The following CFAP221 variants were observed in gnomAD, a reference collection of about 807,000 sequenced individuals.
The protein encoded by CFAP221 is cilia- and flagella-associated protein 221.
A neutral mutation model predicts 113.1 loss-of-function variants in CFAP221; 97 were observed. The observed-to-expected ratio is 0.86, with a 90% CI of 0.73 to 1.02. The LOEUF is 1.02. Ranked by LOEUF, CFAP221 falls within the 50% of genes least tolerant of loss-of-function variation. The probability of loss-of-function intolerance (pLI) is 0.00; values close to 1 mark genes in which losing one functional copy is unlikely to be tolerated. For missense variants in CFAP221, 1,025 were observed against 1,013.4 expected (o/e 1.01, Z -0.16); for synonymous variants, 331 against 354.4 (o/e 0.93, Z 0.74).
At chr2:119,563,213 G>A (rs754448742) in intron 6 of CFAP221, among the ~76,000 whole-genome samples, 1 of 152,140 alleles carries the variant, frequency 6.6e-6, no homozygotes. Context: ...ATTCTCCTGT[G>A]TACTTCAAAT....
intron 21 of CFAP221, among the ~76,000 whole-genome samples, chr2:119,641,677 G>A (rs978423559): frequency 2.0e-5 from 3 of 152,220 alleles, no homozygotes; most frequent in African/African-American, 7.2e-5. Flanking sequence ...CATGCCTGGT[G>A]CATGCTTAGT....
In CFAP221 at chr2:119,647,053, ATTT is replaced by A. The variant is rs11349518; in HGVS notation, c.2318+15_2318+17del. On this transcript the variant is annotated splice_donor_5th_base_variant and intron_variant, in intron 22 of 23. Transcript: ENST00000413369. The stretch of plus-strand genomic sequence containing the variant: ...GACAGACTAGAAACAGTAGAACGGT[ATTT>A]TTTTTTTTTTTAATCTTTGGCCTCT... The A allele has an allele frequency of 8.4e-4, 1,088 of 1,289,328 alleles. No homozygotes were observed. Among genetic ancestry groups the A allele is most frequent in the African/African-American group, 2.0e-3 (136 of 66,474 alleles). 79.9% of individuals were successfully genotyped at this position (1,289,328 alleles called of 1,614,324 possible). A position where few individuals can be genotyped will look rare whatever the true frequency, so the allele number is the denominator to read the frequency against.
intron 6 of CFAP221, chr2:119,572,402 A>G (rs796275942): frequency 2.0e-6 from 1 of 510,678 alleles, no homozygotes; most frequent in African/African-American, 1.9e-5. Flanking sequence ...TATCTTAAAG[A>G]GTATTATAGA....
intron 4 of CFAP221, 28 bp downstream of exon 4, chr2:119,559,803 C>T (rs1298063276): frequency 6.7e-7 from 1 of 1,499,600 alleles, no homozygotes; most frequent in Non-Finnish European, 9.0e-7. Context: ...ACCTGTTCTC[C>T]CACGGTGTGG....
intron 22 of CFAP221, among the ~76,000 whole-genome samples, chr2:119,649,432 A>G (rs1216867779): frequency 6.6e-6 from 1 of 152,200 alleles, no homozygotes; most frequent in Admixed American, 6.5e-5. Context: ...CATATTTATC[A>G]ACATATTTTT....
intron 23 of CFAP221, 70 bp from the exon 24 acceptor site, chr2:119,656,292 T>C: frequency 3.2e-6 from 4 of 1,250,216 alleles, no homozygotes; most frequent in Non-Finnish European, 4.7e-6. Flanking sequence ...CCAGCACTGC[T>C]GGCGGGGGGT....
chr2:119,629,083 T>C (rs1686577416), intron 16 of CFAP221, among the ~76,000 whole-genome samples: 1 of 152,250 alleles, frequency 6.6e-6, no homozygotes. Context: ...TCATCAATTG[T>C]AAGATGCCTT....
At position 119,650,721 on chromosome 2, in the gene CFAP221, T is replaced by G. The variant is rs72834865; in HGVS notation, c.2319-1253T>G. 5.6e-3 allele frequency among the ~76,000 whole-genome samples: 858 copies of G among 152,302 alleles called. 11 individuals are homozygous for G. The highest frequency in any genetic ancestry group is 9.5e-3 in the Admixed American group (145 of 15,294). ...ATGCCCACCTTTGAGACAAAGAAAC[T>G]GCTAATGGGAAGATAATGTTTGCAA... On this transcript the variant is annotated intron_variant, in intron 22 of 23. Transcript: ENST00000413369.
At chr2:119,617,747 G>A (rs552017018) in intron 14 of CFAP221, among the ~76,000 whole-genome samples, 79 of 152,334 alleles carry the variant, frequency 5.2e-4, no homozygotes, top group Non-Finnish European at 7.9e-4. Flanking sequence ...CCAGAGTTGT[G>A]TTTGCAAAAC....
intron 6 of CFAP221, chr2:119,572,484 T>G: frequency 1.5e-6 from 1 of 665,242 alleles, no homozygotes; most frequent in Non-Finnish European, 2.8e-6. Flanking sequence ...AAATTTTATA[T>G]TTTTCCATTC....
Position 119,546,101 on chromosome 2 carries a change from C to A in CFAP221, c.-31C>A. On this transcript the variant is annotated 5_prime_UTR_variant, in exon 2 of 24. Transcript: ENST00000413369. The stretch of plus-strand genomic sequence containing the variant: ...CCTCCCCAGGACATGACCTTTGGCT[C>A]TAAAAAGAAGACTCCATTTTTCATG... The A allele has an allele frequency of 6.6e-7, 1 of 1,516,344 alleles. No individual in the cohort carries two copies. The highest frequency in any genetic ancestry group is 1.3e-5 in the South Asian group (1 of 79,568). The allele number at this position is 1,516,344 out of a possible 1,614,324, so 93.9% of individuals were successfully genotyped here. A position where few individuals can be genotyped will look rare whatever the true frequency, so the allele number is the denominator to read the frequency against.
At position 119,638,451 on chromosome 2, in the gene CFAP221, C is replaced by A. The variant is rs1305797786; in HGVS notation, c.2133+34C>A. On this transcript the variant is annotated intron_variant, in intron 20 of 23. Transcript: ENST00000413369. ...ATCACCAGGCTCACTGGCAGAGTGACCCTGGGCTGCAGGGAGGGGCAGGGG... is the reference window on the plus strand; with the variant it reads ...ATCACCAGGCTCACTGGCAGAGTGAACCTGGGCTGCAGGGAGGGGCAGGGG... 5 of 1,612,278 alleles carry A rather than the reference C, an allele frequency of 3.1e-6. No homozygotes were observed. The South Asian group carries it at 3.3e-5, about 11-fold the overall frequency.
Position 119,545,973 on chromosome 2 carries a change from G to A in CFAP221, c.-47-112G>A, listed in dbSNP as rs186862156. 8 of 722,254 alleles carry A rather than the reference G, an allele frequency of 1.1e-5. No individual in the cohort carries two copies. In the East Asian group the frequency reaches 2.3e-4, roughly 20 times the overall value. 44.7% of individuals were successfully genotyped at this position (722,254 alleles called of 1,614,324 possible). On this transcript the variant is annotated intron_variant, in intron 1 of 23. Transcript: ENST00000413369. Reference sequence around the variant, plus strand: ...GTGGCCCGCAGAGAGGAGAGCCAGGGAGGGCATGAACCACAGTAAACCACA... The same window carrying A: ...GTGGCCCGCAGAGAGGAGAGCCAGGAAGGGCATGAACCACAGTAAACCACA...
At chr2:119,604,499 T>C (rs1053296475) in intron 8 of CFAP221, among the ~76,000 whole-genome samples, 173 bp from the exon 9 acceptor site, 1 of 152,134 alleles carries the variant, frequency 6.6e-6, no homozygotes, top group African/African-American at 2.4e-5. Context: ...GATTATACTC[T>C]AATGCACTGA....
intron 6 of CFAP221, among the ~76,000 whole-genome samples, chr2:119,569,378 A>C (rs1681881342): frequency 1.3e-5 from 2 of 151,860 alleles, no homozygotes. Context: ...TCGACCTCCC[A>C]AAGTGCTGGG....
At chr2:119,630,163 ATATACC>A (rs1661265622) in intron 17 of CFAP221, among the ~76,000 whole-genome samples, 1 of 152,226 alleles carries the variant, frequency 6.6e-6, no homozygotes, top group African/African-American at 2.4e-5. Flanking sequence ...TACTCTGTGG[ATATACC>A]TATATCATGC....
intron 2 of CFAP221, among the ~76,000 whole-genome samples, chr2:119,546,655 A>G (rs1253273106): frequency 6.6e-6 from 1 of 152,026 alleles, no homozygotes; most frequent in Non-Finnish European, 1.5e-5. Context: ...CCCCTTGCAT[A>G]CAGAATAAAG....
chr2:119,639,797 T>A lies in CFAP221; in HGVS notation c.2150T>A (p.Ile717Lys). ...FLHHTDIIPG[I>K]MHWKSFQSLV... ...TCCTTACAGGACATTATTCCCGGAA[T>A]AATGCACTGGAAAAGCTTCCAGTCC... Residue 717 changes from isoleucine (I) to lysine (K), a missense_variant, in exon 21 of 24, where the codon ATA becomes AAA. Coordinates refer to ENST00000413369, the MANE Select transcript of CFAP221 (RefSeq NM_001271049.2). The A allele has an allele frequency of 6.2e-7, 1 of 1,614,120 alleles. No homozygotes were observed. The highest frequency in any genetic ancestry group is 8.5e-7 in the Non-Finnish European group (1 of 1,179,968).
chr2:119,562,253 C>CAAAAAAAA (rs10628972), intron 6 of CFAP221, 139 bp downstream of exon 6: 3 of 274,570 alleles, frequency 1.1e-5, no homozygotes, highest in Non-Finnish European at 1.9e-5. Flanking sequence ...TTGTAAAAGG[C>CAAAAAAAA]AAAAAAAAAA....
Sources: gnomAD v4.1 joint callset for allele counts (sites outside exome capture counted in the v4.1 genomes callset) on GRCh38, gnomAD v4.1.1 for gene constraint, MANE v1.5 for transcripts, NCBI Gene and HGNC (gene_info 2026-07-23, HGNC 2026-07-21) for gene names.